THSD4: variants seen among roughly 807,000 people sequenced by gnomAD.
THSD4 encodes thrombospondin type 1 domain containing 4.
A neutral mutation model predicts 119.0 loss-of-function variants in THSD4; 69 were observed. The ratio of observed to expected loss-of-function variants is 0.58; its 90% CI spans 0.48 to 0.71. The LOEUF (loss-of-function observed/expected upper bound fraction) is 0.71, where lower values mean the gene tolerates loss of function less well. THSD4 is among the 30% of genes least tolerant of loss of function. The probability of loss-of-function intolerance (pLI) is 0.00; values close to 1 mark genes in which losing one functional copy is unlikely to be tolerated. For missense variants in THSD4, 1,393 were observed against 1,391.1 expected (o/e 1.00, Z -0.02); for synonymous variants, 524 against 540.4 (o/e 0.97, Z 0.42).
chr15:71,570,066 G>T (rs2140897785), intron 7 of THSD4, among the ~76,000 whole-genome samples: 1 of 152,258 alleles, frequency 6.6e-6, no homozygotes, highest in South Asian at 2.1e-4. Flanking sequence ...AAATAAAGCG[G>T]ATAAAATATA....
intron 8 of THSD4, among the ~76,000 whole-genome samples, chr15:71,718,745 C>A (rs1034770423): frequency 1.3e-5 from 2 of 152,142 alleles, no homozygotes; most frequent in East Asian, 3.9e-4. Context: ...TTTGTCCATG[C>A]CATTCTTCAA....
chr15:71,643,772 C>G lies in THSD4; in HGVS notation c.1153-16758C>G, dbSNP rs182456600. ...AGTAATATGGAAAATGATTTGGATG[C>G]CTTAGCGTTTACTTTATTTCTGAAT... On this transcript the variant is annotated intron_variant, in intron 7 of 17. Coordinates refer to ENST00000261862, the MANE Select transcript of THSD4 (RefSeq NM_024817.3). Among the ~76,000 whole-genome samples, 177 of 152,198 alleles carry G rather than the reference C, an allele frequency of 1.2e-3. 2 individuals carry two copies. Among genetic ancestry groups the G allele is most frequent in the Admixed American group, 9.2e-3 (141 of 15,280 alleles).
Position 71,765,752 on chromosome 15 carries a change from T to A in THSD4, c.2769+553T>A, listed in dbSNP as rs183324577. 6.6e-3 allele frequency among the ~76,000 whole-genome samples: 1,009 copies of A among 151,788 alleles called. 3 individuals carry two copies. Among genetic ancestry groups the A allele is most frequent in the Non-Finnish European group, 0.011 (763 of 67,978 alleles). On this transcript the variant is annotated intron_variant, in intron 16 of 17. Coordinates refer to ENST00000261862, the MANE Select transcript of THSD4 (RefSeq NM_024817.3). Reference sequence around the variant, plus strand: ...ACCCATCTCTGAAAAACATTTTTTTTAATTACTACATTACACAAACACACA... The same window carrying A: ...ACCCATCTCTGAAAAACATTTTTTTAAATTACTACATTACACAAACACACA...
rs1398571346 is a variant in THSD4 at position 71,632,874 on chromosome 15, C to T, written c.1153-27656C>T. Among the ~76,000 whole-genome samples, 4 of 152,158 alleles carry T rather than the reference C, an allele frequency of 2.6e-5. No individual in the cohort carries two copies. In the South Asian group the frequency reaches 6.2e-4, roughly 24 times the overall value. On this transcript the variant is annotated intron_variant, in intron 7 of 17. Coordinates refer to ENST00000261862, the MANE Select transcript of THSD4 (RefSeq NM_024817.3). ...CAGAGGCTGACGATAAAGGCTAATT[C>T]GTGAGTGAGAGGAAGTTGAAATCTA...
intron 7 of THSD4, among the ~76,000 whole-genome samples, chr15:71,424,308 T>C (rs1036543188): frequency 2.0e-5 from 3 of 152,098 alleles, no homozygotes; most frequent in African/African-American, 7.2e-5. Flanking sequence ...ACAAGAAGAA[T>C]GTGATGTCCT....
At chr15:71,592,857 A>G (rs1221650208) in intron 7 of THSD4, among the ~76,000 whole-genome samples, 1 of 152,088 alleles carries the variant, frequency 6.6e-6, no homozygotes, top group Non-Finnish European at 1.5e-5. Flanking sequence ...CCCCATGCTG[A>G]GCTGACTGTC....
chr15:71,607,607 A>G (rs533640099), intron 7 of THSD4, among the ~76,000 whole-genome samples: 2 of 152,352 alleles, frequency 1.3e-5, no homozygotes, highest in East Asian at 3.9e-4. Flanking sequence ...CCGGTGTGGC[A>G]GAGCCTTACC....
rs149985576 is a variant in THSD4 at position 71,448,162 on chromosome 15, A to G, written c.1152+36339A>G. On this transcript the variant is annotated intron_variant, in intron 7 of 17. Coordinates refer to ENST00000261862, the MANE Select transcript of THSD4 (RefSeq NM_024817.3). ...CTGCCTGCTTGAAACAATAGCAGCC[A>G]TTAAAAGTTGTTATGTGGAAGTCTT... 4.9e-4 allele frequency among the ~76,000 whole-genome samples: 75 copies of G among 152,314 alleles called. No homozygotes were observed. In the East Asian group the frequency reaches 9.6e-3, roughly 20 times the overall value.
intron 7 of THSD4, among the ~76,000 whole-genome samples, chr15:71,429,688 G>A (rs190198914): frequency 3.2e-4 from 49 of 152,270 alleles, no homozygotes; most frequent in East Asian, 2.3e-3. Context: ...TGGGATATTC[G>A]TTTCTGAGCT....
chr15:71,267,049 A>G (rs962858437), intron 6 of THSD4, among the ~76,000 whole-genome samples: 2 of 152,160 alleles, frequency 1.3e-5, no homozygotes, highest in African/African-American at 4.8e-5. Flanking sequence ...TCAGGATATT[A>G]TCCAGGGGAA....
intron 8 of THSD4, among the ~76,000 whole-genome samples, chr15:71,690,912 A>C (rs992067836): frequency 6.6e-6 from 1 of 152,248 alleles, no homozygotes; most frequent in Non-Finnish European, 1.5e-5. Context: ...GGATGGGAAT[A>C]CAGCCAAACC....
At chr15:71,370,886 G>A (rs1264451886) in intron 6 of THSD4, among the ~76,000 whole-genome samples, 1 of 152,152 alleles carries the variant, frequency 6.6e-6, no homozygotes, top group African/African-American at 2.4e-5. Flanking sequence ...GGGTGTTAAA[G>A]TCTCCCATTA....
chr15:71,751,155 T>C (rs531235578), intron 14 of THSD4, among the ~76,000 whole-genome samples: 1 of 152,364 alleles, frequency 6.6e-6, no homozygotes, highest in African/African-American at 2.4e-5. Flanking sequence ...AGGCTAAAAA[T>C]ATCTAGTTTC....
intron 8 of THSD4, among the ~76,000 whole-genome samples, chr15:71,700,556 A>G (rs1019010242): frequency 3.3e-5 from 5 of 152,144 alleles, no homozygotes; most frequent in African/African-American, 1.2e-4. Context: ...TGGAATTTTC[A>G]TGAGAATCAC....
At chr15:71,441,480 G>A (rs2047089140) in intron 7 of THSD4, among the ~76,000 whole-genome samples, 1 of 94,396 alleles carries the variant, frequency 1.1e-5, no homozygotes, top group Non-Finnish European at 2.5e-5. Context: ...TGCCCCCTGG[G>A]GTTTTTTTTT....
intron 7 of THSD4, among the ~76,000 whole-genome samples, chr15:71,504,199 ATGACT>A (rs1362428075): frequency 1.3e-5 from 2 of 152,188 alleles, no homozygotes; most frequent in Non-Finnish European, 2.9e-5. Context: ...CTTTATCTTG[ATGACT>A]TGAGGGCTGG....
chr15:71,423,763 C>T (rs1254951750), intron 7 of THSD4, among the ~76,000 whole-genome samples: 2 of 152,204 alleles, frequency 1.3e-5, no homozygotes, highest in Non-Finnish European at 1.5e-5. Context: ...AGCGATTACA[C>T]GGCTTGTGGC....
intron 6 of THSD4, among the ~76,000 whole-genome samples, chr15:71,333,779 G>A (rs538042531): frequency 1.3e-5 from 2 of 152,294 alleles, no homozygotes; most frequent in East Asian, 1.9e-4. Flanking sequence ...AATGTTTAAG[G>A]TAGTACCAAG....
At chr15:71,377,993 T>C (rs1302885357) in intron 6 of THSD4, among the ~76,000 whole-genome samples, 3 of 151,956 alleles carry the variant, frequency 2.0e-5, no homozygotes, top group Admixed American at 1.3e-4. Context: ...CACCTACTTA[T>C]AGGCTTAGTT....
Sources: allele counts gnomAD v4.1 joint callset (sites outside exome capture counted in the v4.1 genomes callset), GRCh38; gene constraint gnomAD v4.1.1; transcripts MANE v1.5; gene names NCBI Gene and HGNC (gene_info 2026-07-23, HGNC 2026-07-21).